Variants in KCTD18 observed in about 807,000 individuals in gnomAD.
KCTD18 encodes potassium channel tetramerization domain containing 18, also known as BTB/POZ domain-containing protein KCTD18.
Under a neutral mutation model 30.4 loss-of-function variants are expected in KCTD18, and 22 were observed. The observed-to-expected ratio is 0.72, with a 90% CI of 0.52 to 1.03. The LOEUF is 1.03. Among genes scored for constraint, KCTD18 ranks in the 50% least tolerant of loss-of-function variants. The pLI is 0.00. For synonymous variants in KCTD18, 186 were observed against 209.0 expected, an observed-to-expected ratio of 0.89 and a Z score of 0.95; for missense variants, 529 against 547.6, an observed-to-expected ratio of 0.97 and a Z score of 0.34.
rs975489651 is a variant in KCTD18, at chr2:200,490,464, G to A, written c.917C>T (p.Ser306Leu). 6.2e-6 allele frequency: 10 copies of A among 1,613,494 alleles called. No homozygotes were observed. The highest frequency in any genetic ancestry group is 7.6e-6 in the Non-Finnish European group (9 of 1,180,036). Residue 306 changes from serine to leucine, a missense_variant, in exon 7 of 7, where the codon TCG (serine) becomes TTG (leucine). By Grantham distance (145) the Ser-to-Leu change is moderately radical. Coordinates refer to ENST00000359878, the MANE Select transcript of KCTD18 (RefSeq NM_152387.4). ...AAACCGGTTTGCTGTCGCCCCAGCC[G>A]ACGTCTGGATGGCACTGGCTGGAGA... ...TVSPASAIQT[S>L]AGATANRFQS...
chr2:200,504,416 G>A (rs1480781603), intron 3 of KCTD18, among the ~76,000 whole-genome samples: 10 of 140,080 alleles, frequency 7.1e-5, no homozygotes, highest in Admixed American at 6.9e-4. Flanking sequence ...CCAAAATCCC[G>A]CCACTGCACT....
chr2:200,502,913 C>T (rs2029949069), intron 3 of KCTD18, among the ~76,000 whole-genome samples: 1 of 152,026 alleles, frequency 6.6e-6, no homozygotes, highest in Non-Finnish European at 1.5e-5. Flanking sequence ...GCCTGTAATC[C>T]CAGCTACTCA....
Position 200,509,200 on chromosome 2 carries a change from TAA to T in KCTD18, c.-76+426_-76+427del, listed in dbSNP as rs986574148. 6.6e-5 allele frequency among the ~76,000 whole-genome samples: 10 copies of T among 150,568 alleles called. No individual in the cohort carries two copies. In the East Asian group the frequency reaches 1.9e-3, roughly 29 times the overall value. On this transcript the variant is annotated intron_variant, in intron 1 of 6. Transcript: ENST00000359878. ...CTGTTGACAGATGAGGCCATTGGGG[TAA>T]AAAAAAAGAGTGATGTGTACAGGGG...
chr2:200,504,196 C>A (rs1261641833), intron 3 of KCTD18, among the ~76,000 whole-genome samples: 1 of 152,162 alleles, frequency 6.6e-6, no homozygotes, highest in South Asian at 2.1e-4. Flanking sequence ...CAGTGGCTCA[C>A]GCCTGTAATC....
chr2:200,501,119 T>G (rs1187543209), intron 3 of KCTD18, among the ~76,000 whole-genome samples: 3 of 152,072 alleles, frequency 2.0e-5, no homozygotes, highest in Non-Finnish European at 2.9e-5. Flanking sequence ...CCTTACACCG[T>G]ATACAAAAAT....
chr2:200,504,953 CA>C lies in KCTD18; in HGVS notation c.166del (p.Cys56ValfsTer61). On this transcript the variant is annotated frameshift_variant, in exon 3 of 7. Coordinates refer to ENST00000359878, the MANE Select transcript of KCTD18 (RefSeq NM_152387.4). LOFTEE classifies it high-confidence loss of function. ...TAGACGTCCATCACGGTCAATAACACAAGCCCCTAGAAAACATTCAGTTCAA... is the reference window on the plus strand; with the variant it reads ...TAGACGTCCATCACGGTCAATAACACAGCCCCTAGAAAACATTCAGTTCAA... ...FPLKTDESGA[C>X]VIDRDGRLFK... 2 of 1,612,904 alleles carry C rather than the reference CA, an allele frequency of 1.2e-6. No homozygotes were observed. Among genetic ancestry groups the C allele is most frequent in the Non-Finnish European group, 1.7e-6 (2 of 1,179,140 alleles).
intron 4 of KCTD18, among the ~76,000 whole-genome samples, chr2:200,498,259 T>C (rs1178147765): frequency 1.3e-5 from 2 of 152,206 alleles, no homozygotes; most frequent in Non-Finnish European, 2.9e-5. Context: ...ACTGATGACA[T>C]ATTTAATAAT....
Position 200,499,043 on chromosome 2 carries a change from A to T in KCTD18, c.414T>A (p.Asn138Lys), listed in dbSNP as rs1205071120. ...AGTGGAGAACCCAAACTGTTGGTTT[A>T]TTGCAGACTAAGCCATATGAATCAC... The part of the protein sequence containing the change: ...DFCDSYGLVC[N>K]KPTVWVLHYL... Residue 138 changes from asparagine (N) to lysine (K), a missense_variant, in exon 4 of 7, where the codon AAT (asparagine) becomes AAA (lysine). Coordinates refer to ENST00000359878, the MANE Select transcript of KCTD18 (RefSeq NM_152387.4). 5 of 1,614,070 alleles carry T rather than the reference A, an allele frequency of 3.1e-6. No homozygotes were observed. The highest frequency in any genetic ancestry group is 2.2e-5 in the East Asian group (1 of 44,878).
At chr2:200,508,695 G>C (rs572400248) in intron 1 of KCTD18, among the ~76,000 whole-genome samples, 1 of 152,242 alleles carries the variant, frequency 6.6e-6, no homozygotes, top group East Asian at 1.9e-4. Flanking sequence ...TGTAGAATAC[G>C]GTCAGCAACA....
chr2:200,499,548 C>G (rs906448224), intron 3 of KCTD18, among the ~76,000 whole-genome samples: 2 of 151,888 alleles, frequency 1.3e-5, no homozygotes, highest in Non-Finnish European at 2.9e-5. Flanking sequence ...ATAAATTCCT[C>G]GACACATACA....
chr2:200,494,520 G>A (rs905824137), intron 5 of KCTD18, among the ~76,000 whole-genome samples: 33 of 152,164 alleles, frequency 2.2e-4, no homozygotes, highest in African/African-American at 7.7e-4. Context: ...TTAGCAAGCT[G>A]GGCATATAAA....
At position 200,489,152 on chromosome 2, in the gene KCTD18, A is replaced by G. The variant is rs1316959491; in HGVS notation, c.*948T>C. On this transcript the variant is annotated 3_prime_UTR_variant, in exon 7 of 7. Coordinates refer to ENST00000359878, the MANE Select transcript of KCTD18 (RefSeq NM_152387.4). The stretch of plus-strand genomic sequence containing the variant: ...ATATGTGATCCAATTACAAAACATA[A>G]CATTTACGAATAAACACACACAACT... 1 of 152,644 alleles carries G rather than the reference A, an allele frequency of 6.6e-6. No homozygotes were observed. The highest frequency in any genetic ancestry group is 1.5e-5 in the Non-Finnish European group (1 of 68,034). 9.5% of individuals were successfully genotyped at this position (152,644 alleles called of 1,614,324 possible).
At chr2:200,491,065 C>G (rs530712031) in intron 6 of KCTD18, among the ~76,000 whole-genome samples, 2 of 152,146 alleles carry the variant, frequency 1.3e-5, no homozygotes, top group Non-Finnish European at 2.9e-5. Flanking sequence ...ATGTCCCCCC[C>G]GAAGCTCATG....
chr2:200,499,152 T>C, intron 3 of KCTD18, 68 bp from the exon 4 acceptor site: 2 of 1,106,058 alleles, frequency 1.8e-6, no homozygotes, highest in East Asian at 2.6e-5. Context: ...ATATGCTCCA[T>C]TACTTTCATG....
intron 4 of KCTD18, 41 bp from the exon 5 acceptor site, chr2:200,497,888 G>A (rs759425020): frequency 7.5e-7 from 1 of 1,327,572 alleles, no homozygotes; most frequent in Non-Finnish European, 1.1e-6. Flanking sequence ...TACTACCTAG[G>A]TATGGATGTG....
At chr2:200,495,169 G>A (rs1403559172) in intron 5 of KCTD18, among the ~76,000 whole-genome samples, 1 of 152,108 alleles carries the variant, frequency 6.6e-6, no homozygotes, top group Admixed American at 6.5e-5. Context: ...ATTGGCTCAG[G>A]ACAGACTAAT....
chr2:200,493,379 G>C (rs116004805), intron 5 of KCTD18, 105 bp from the exon 6 acceptor site: 1 of 715,958 alleles, frequency 1.4e-6, no homozygotes, highest in Non-Finnish European at 2.5e-6. Flanking sequence ...CATGCCTCCC[G>C]TTTGGCAAAG....
intron 3 of KCTD18, among the ~76,000 whole-genome samples, chr2:200,502,822 G>A (rs980890570): frequency 6.6e-6 from 1 of 152,104 alleles, no homozygotes; most frequent in African/African-American, 2.4e-5. Flanking sequence ...CCTGAGGTTG[G>A]GAGTTCGAGA....
chr2:200,495,613 T>A (rs1165248116), intron 5 of KCTD18, among the ~76,000 whole-genome samples: 2 of 152,160 alleles, frequency 1.3e-5, no homozygotes, highest in African/African-American at 4.8e-5. Flanking sequence ...TAAAAAATTG[T>A]TTTTATTAAA....
Sources: gnomAD v4.1 joint callset for allele counts (sites outside exome capture counted in the v4.1 genomes callset) on GRCh38, gnomAD v4.1.1 for gene constraint, MANE v1.5 for transcripts, NCBI Gene and HGNC (gene_info 2026-07-23, HGNC 2026-07-21) for gene names.